The following PRR16 variants were observed in gnomAD, a reference collection of about 807,000 sequenced individuals.
PRR16 encodes the protein protein Largen.
Under a neutral mutation model 18.2 loss-of-function variants are expected in PRR16, and 6 were observed. The observed-to-expected ratio is 0.33, with a 90% CI of 0.18 to 0.65. The LOEUF is 0.65. PRR16 is among the 30% of genes least tolerant of loss of function. The probability of loss-of-function intolerance (pLI) is 0.74; values close to 1 mark genes in which losing one functional copy is unlikely to be tolerated. For synonymous variants in PRR16, 151 were observed against 147.8 expected (o/e 1.02, Z -0.16); for missense variants, 412 against 376.6 (o/e 1.09, Z -0.78).
intron 1 of PRR16, among the ~76,000 whole-genome samples, chr5:120,662,276 C>T (rs1028124401): frequency 2.0e-5 from 3 of 151,994 alleles, no homozygotes; most frequent in South Asian, 2.1e-4. Context: ...TTACCATAGG[C>T]TTTGGAAATG....
chr5:120,697,213 T>G, the PRR16 span, among the ~76,000 whole-genome samples: 1 of 152,198 alleles, frequency 6.6e-6, no homozygotes, highest in Admixed American at 6.5e-5. Flanking sequence ...AATGTTCCTC[T>G]GAGGATGAGG....
intron 1 of PRR16, among the ~76,000 whole-genome samples, chr5:120,609,422 A>T (rs1997005): frequency 0.16 from 23,850 of 151,788 alleles, 2,039 homozygotes; most frequent in African/African-American, 0.24. Flanking sequence ...AAAAATTTTT[A>T]AAAAAGGAAT....
At chr5:120,542,463 A>G (rs974343773) in intron 1 of PRR16, among the ~76,000 whole-genome samples, 1 of 151,390 alleles carries the variant, frequency 6.6e-6, no homozygotes, top group African/African-American at 2.4e-5. Context: ...AGAAATTAAG[A>G]CATTAACATG....
rs149141514 is a variant in PRR16 at position 120,541,533 on chromosome 5, C to G, written c.159+76888C>G. 6.6e-5 allele frequency among the ~76,000 whole-genome samples: 10 copies of G among 152,278 alleles called. No individual in the cohort carries two copies. In the East Asian group the frequency reaches 1.9e-3, roughly 29 times the overall value. On this transcript the variant is annotated intron_variant, in intron 1 of 1. Coordinates refer to ENST00000407149, the MANE Select transcript of PRR16 (RefSeq NM_001300783.2). ...AAGGTGTGATTTTGTTACGTCTAGA[C>G]CAGTATGGACATTAAACTGTGCATT...
chr5:120,716,592 G>C, the PRR16 span, among the ~76,000 whole-genome samples: 1 of 152,078 alleles, frequency 6.6e-6, no homozygotes, highest in Non-Finnish European at 1.5e-5. Context: ...CATGGTCCTT[G>C]GGGCTGGGCA....
intron 1 of PRR16, among the ~76,000 whole-genome samples, chr5:120,657,660 C>T (rs1348883728): frequency 1.3e-5 from 2 of 151,880 alleles, no homozygotes; most frequent in Non-Finnish European, 2.9e-5. Context: ...CTTCACATAA[C>T]TTATTCATCA....
At chr5:120,521,763 C>T (rs1320382583) in intron 1 of PRR16, among the ~76,000 whole-genome samples, 1 of 152,052 alleles carries the variant, frequency 6.6e-6, no homozygotes, top group Non-Finnish European at 1.5e-5. Context: ...TGTTGGTGTG[C>T]TGCACCCATT....
intron 1 of PRR16, among the ~76,000 whole-genome samples, chr5:120,615,421 G>A (rs1231168979): frequency 6.9e-6 from 1 of 144,092 alleles, no homozygotes; most frequent in African/African-American, 2.6e-5. Flanking sequence ...TTTTTTTTTG[G>A]GAGAGTGGAG....
rs1357690942 is a variant in PRR16, at chr5:120,664,726, C to T, written c.160-21228C>T. On this transcript the variant is annotated intron_variant, in intron 1 of 1. Transcript: ENST00000407149. ...TGCAGTGTTTGGTTTTTTGTCCTTG[C>T]GATAGTTTACTGAGAATGATGATTT... 6.0e-5 allele frequency among the ~76,000 whole-genome samples: 9 copies of T among 151,124 alleles called. No individual in the cohort carries two copies. In the South Asian group the frequency reaches 6.4e-4, roughly 11 times the overall value.
intron 1 of PRR16, among the ~76,000 whole-genome samples, chr5:120,548,787 C>G (rs570297230): frequency 6.6e-6 from 1 of 152,138 alleles, no homozygotes; most frequent in East Asian, 1.9e-4. Context: ...ACTAAGGAAT[C>G]AGGGAACAGA....
intron 1 of PRR16, among the ~76,000 whole-genome samples, chr5:120,623,841 C>T (rs1754766998): frequency 6.6e-6 from 1 of 151,918 alleles, no homozygotes; most frequent in Admixed American, 6.6e-5. Context: ...CAGGACTTTT[C>T]AGTGCCTTTA....
chr5:120,659,844 A>C (rs1756115252), intron 1 of PRR16, among the ~76,000 whole-genome samples: 1 of 152,062 alleles, frequency 6.6e-6, no homozygotes, highest in Admixed American at 6.6e-5. Flanking sequence ...CCATTGAGCC[A>C]GATCACTTGA....
At chr5:120,540,544 T>C (rs1167966183) in intron 1 of PRR16, among the ~76,000 whole-genome samples, 2 of 152,178 alleles carry the variant, frequency 1.3e-5, no homozygotes, top group Non-Finnish European at 2.9e-5. Context: ...CTTGAAAATA[T>C]GATGTCCCTT....
At chr5:120,528,126 G>T (rs773599252) in intron 1 of PRR16, among the ~76,000 whole-genome samples, 9 of 152,146 alleles carry the variant, frequency 5.9e-5, no homozygotes, top group Non-Finnish European at 1.0e-4. Flanking sequence ...TTATGATCCT[G>T]GGATGGATAG....
intron 1 of PRR16, among the ~76,000 whole-genome samples, chr5:120,471,676 C>A (rs1230058194): frequency 6.6e-6 from 1 of 151,988 alleles, no homozygotes; most frequent in Non-Finnish European, 1.5e-5. Context: ...TGTTTGTTTT[C>A]TTTTCCAGTA....
rs570906768 is a variant in PRR16 at position 120,478,903 on chromosome 5, G to GA, written c.159+14262dup. 1.9e-3 allele frequency among the ~76,000 whole-genome samples: 287 copies of GA among 151,756 alleles called. 2 individuals carry two copies. Among genetic ancestry groups the GA allele is most frequent in the Admixed American group, 4.3e-3 (66 of 15,216 alleles). On this transcript the variant is annotated intron_variant, in intron 1 of 1. Transcript: ENST00000407149. ...GCCATTACAAATTTTAAATTAACTG[G>GA]AAAATGACATTTAAAAATGGATATT... is the stretch of plus-strand genomic sequence containing the variant.
chr5:120,471,095 C>T (rs1407647036), intron 1 of PRR16, among the ~76,000 whole-genome samples: 1 of 152,024 alleles, frequency 6.6e-6, no homozygotes. Context: ...TTAAGGCTTG[C>T]TGTGTAGTTT....
intron 1 of PRR16, among the ~76,000 whole-genome samples, chr5:120,643,244 C>G (rs1027055519): frequency 3.3e-5 from 5 of 151,380 alleles, no homozygotes; most frequent in Non-Finnish European, 7.4e-5. Context: ...TTGAGACCCA[C>G]AAATTGGATG....
At chr5:120,488,780 G>T (rs1444418594) in intron 1 of PRR16, among the ~76,000 whole-genome samples, 1 of 151,938 alleles carries the variant, frequency 6.6e-6, no homozygotes, top group African/African-American at 2.4e-5. Context: ...TCTCTTGTGT[G>T]CATTTAGTGC....
Sources: allele counts gnomAD v4.1 joint callset (sites outside exome capture counted in the v4.1 genomes callset), GRCh38; gene constraint gnomAD v4.1.1; transcripts MANE v1.5; gene names NCBI Gene and HGNC (gene_info 2026-07-23, HGNC 2026-07-21).